The following RUNX2 variants were observed in gnomAD, a reference collection of about 807,000 sequenced individuals.
The protein encoded by RUNX2 is runt-related transcription factor 2.
Under a neutral mutation model 51.7 loss-of-function variants are expected in RUNX2, and 10 were observed. That is an observed-to-expected ratio of 0.19 (90% CI 0.12 to 0.33). The LOEUF is 0.33. Among genes scored for constraint, RUNX2 ranks in the 10% least tolerant of loss-of-function variants. The pLI is 1.00. For synonymous variants in RUNX2, 276 were observed against 273.6 expected, an observed-to-expected ratio of 1.01 and a Z score of -0.09; for missense variants, 562 against 691.3, an observed-to-expected ratio of 0.81 and a Z score of 2.10.
chr6:45,473,107 G>T (rs1175316954), intron 5 of RUNX2, among the ~76,000 whole-genome samples: 1 of 152,160 alleles, frequency 6.6e-6, no homozygotes. Context: ...GTATTCCTTG[G>T]TTTAAATCTT....
At chr6:45,373,088 T>A (rs1285095700) in intron 2 of RUNX2, among the ~76,000 whole-genome samples, 1 of 152,122 alleles carries the variant, frequency 6.6e-6, no homozygotes, top group Non-Finnish European at 1.5e-5. Flanking sequence ...ATTACAGTTG[T>A]GAGTCACCGC....
At chr6:45,518,646 T>A (rs7754187) in intron 7 of RUNX2, among the ~76,000 whole-genome samples, 57,610 of 152,064 alleles carry the variant, frequency 0.38, 12,313 homozygotes, top group African/African-American at 0.6. Context: ...CTCTGATTTT[T>A]TACATGGTTT....
Position 45,328,357 on chromosome 6 carries a change from A to G in RUNX2, c.-170A>G. 7.2e-7 allele frequency: 1 copy of G among 1,384,234 alleles called. No individual in the cohort carries two copies. The highest frequency in any genetic ancestry group is 1.5e-5 in the African/African-American group (1 of 68,550). The allele number at this position is 1,384,234 out of a possible 1,614,324, so 85.7% of individuals were successfully genotyped here. On this transcript the variant is annotated 5_prime_UTR_variant, in exon 1 of 9. Coordinates refer to ENST00000647337, the MANE Select transcript of RUNX2 (RefSeq NM_001024630.4). ...TCGCCTCACAAACAACCACAGAACC[A>G]CAAGTGCGGTGCAAACTTTCTCCAG...
intron 7 of RUNX2, among the ~76,000 whole-genome samples, chr6:45,531,794 C>T (rs1214501755): frequency 2.6e-5 from 4 of 151,682 alleles, no homozygotes; most frequent in South Asian, 2.1e-4. Flanking sequence ...ATATGTGGGG[C>T]GAGGAAATTT....
chr6:45,495,239 T>A (rs1384109855), intron 6 of RUNX2, among the ~76,000 whole-genome samples: 3 of 152,260 alleles, frequency 2.0e-5, no homozygotes, highest in Non-Finnish European at 4.4e-5. Context: ...CTTTTGTGAC[T>A]AGCCCAGTGG....
At chr6:45,351,192 T>C (rs1321075218) in intron 2 of RUNX2, among the ~76,000 whole-genome samples, 3 of 151,980 alleles carry the variant, frequency 2.0e-5, no homozygotes, top group South Asian at 2.1e-4. Context: ...GAAACTAAGA[T>C]ACATACAAAA....
intron 7 of RUNX2, among the ~76,000 whole-genome samples, chr6:45,517,358 T>C (rs1357077164): frequency 1.3e-5 from 2 of 152,130 alleles, no homozygotes; most frequent in Non-Finnish European, 2.9e-5. Context: ...ATATTTTTCA[T>C]AGGGACAGGA....
chr6:45,458,507 A>G (rs142488730), intron 5 of RUNX2, among the ~76,000 whole-genome samples: 2 of 152,340 alleles, frequency 1.3e-5, no homozygotes, highest in African/African-American at 4.8e-5. Flanking sequence ...GATAAACTAT[A>G]CATTTATTCC....
chr6:45,455,328 A>C (rs1304306302), intron 5 of RUNX2, among the ~76,000 whole-genome samples: 2 of 152,168 alleles, frequency 1.3e-5, no homozygotes, highest in South Asian at 2.1e-4. Flanking sequence ...TTTCATTTTT[A>C]ATTGACAAAT....
chr6:45,488,673 C>T (rs895378505), intron 5 of RUNX2, among the ~76,000 whole-genome samples: 5 of 151,762 alleles, frequency 3.3e-5, no homozygotes, highest in Admixed American at 3.3e-4. Context: ...TCAAAGCTCC[C>T]TAGGGAATTT....
At chr6:45,403,524 C>T (rs372386628) in intron 2 of RUNX2, among the ~76,000 whole-genome samples, 9 of 152,286 alleles carry the variant, frequency 5.9e-5, no homozygotes, top group East Asian at 3.9e-4. Flanking sequence ...TGAGCCACTG[C>T]GCCTGGCCTG....
intron 2 of RUNX2, among the ~76,000 whole-genome samples, chr6:45,345,841 T>C (rs1051469631): frequency 6.6e-6 from 1 of 152,152 alleles, no homozygotes; most frequent in African/African-American, 2.4e-5. Flanking sequence ...TTGCCACATT[T>C]TGATACTAAT....
chr6:45,365,408 A>T, intron 2 of RUNX2: 1 of 724,872 alleles, frequency 1.4e-6, no homozygotes, highest in Non-Finnish European at 2.2e-6. Context: ...AGAAAATTTA[A>T]ATTTCTGATT....
At chr6:45,415,626 G>A (rs1798052551) in intron 2 of RUNX2, among the ~76,000 whole-genome samples, 1 of 152,134 alleles carries the variant, frequency 6.6e-6, no homozygotes, top group Non-Finnish European at 1.5e-5. Flanking sequence ...GAAGATGTGG[G>A]TATGTATGCA....
chr6:45,454,863 C>T (rs1799276814), intron 5 of RUNX2, among the ~76,000 whole-genome samples: 1 of 152,152 alleles, frequency 6.6e-6, no homozygotes, highest in Non-Finnish European at 1.5e-5. Flanking sequence ...CCTGTAATCC[C>T]AGTACTTTGG....
chr6:45,394,486 G>A (rs748810387), intron 2 of RUNX2, among the ~76,000 whole-genome samples: 2 of 152,170 alleles, frequency 1.3e-5, no homozygotes, highest in African/African-American at 2.4e-5. Context: ...GAAGCTTACA[G>A]ATCTTTTAGC....
intron 2 of RUNX2, chr6:45,361,836 A>C (rs906931163): frequency 2.6e-5 from 4 of 152,368 alleles, no homozygotes; most frequent in African/African-American, 9.7e-5. Flanking sequence ...GGATCACTTG[A>C]GGTCAGGAGT....
intron 7 of RUNX2, among the ~76,000 whole-genome samples, chr6:45,533,518 G>C (rs1403498754): frequency 2.0e-5 from 3 of 152,104 alleles, no homozygotes; most frequent in African/African-American, 7.2e-5. Flanking sequence ...ACTCTAAAAG[G>C]GACGTTTTTC....
At chr6:45,536,969 T>A (rs1451858661) in intron 7 of RUNX2, among the ~76,000 whole-genome samples, 1 of 152,218 alleles carries the variant, frequency 6.6e-6, no homozygotes, top group Non-Finnish European at 1.5e-5. Flanking sequence ...ATTTTCTAGC[T>A]TGGAGACCCA....
Sources: allele counts gnomAD v4.1 joint callset (sites outside exome capture counted in the v4.1 genomes callset), GRCh38; gene constraint gnomAD v4.1.1; transcripts MANE v1.5; gene names NCBI Gene and HGNC (gene_info 2026-07-23, HGNC 2026-07-21).